The following GPR108 variants were observed in gnomAD, a reference collection of about 807,000 sequenced individuals.
GPR108 encodes G protein-coupled receptor 108.
GPR108 carries 60 observed loss-of-function variants against 74.3 expected under a neutral mutation model. That is an observed-to-expected ratio of 0.81 (90% CI 0.66 to 1.00). The LOEUF (loss-of-function observed/expected upper bound fraction) is 1.00, where lower values mean the gene tolerates loss of function less well. Among genes scored for constraint, GPR108 ranks in the 50% least tolerant of loss-of-function variants. GPR108 has a pLI of 0.00. For synonymous variants in GPR108, 311 were observed against 292.4 expected (o/e 1.06, Z -0.65); for missense variants, 667 against 703.3 (o/e 0.95, Z 0.58).
intron 9 of GPR108, 24 bp from the exon 10 acceptor site, chr19:6,733,086 TG>T: frequency 5.0e-6 from 8 of 1,610,830 alleles, no homozygotes; most frequent in Non-Finnish European, 6.8e-6. Context: ...CAGGGAGAGA[TG>T]GGGGTGCGGG....
chr19:6,732,429 CCCTG>C, intron 11 of GPR108, 43 bp downstream of exon 11: 3 of 1,610,898 alleles, frequency 1.9e-6, no homozygotes, highest in Non-Finnish European at 2.5e-6. Context: ...GCCAACCCTC[CCCTG>C]CCTGCCTCCC....
chr19:6,730,951 C>T (rs752346846), intron 17 of GPR108, 36 bp downstream of exon 17: 15 of 1,610,016 alleles, frequency 9.3e-6, no homozygotes, highest in Non-Finnish European at 9.3e-6. Context: ...ACTCCACCCC[C>T]AGAGCCGCCG....
rs748345071 is a variant in GPR108, at chr19:6,731,131, G to A, written c.1435-20C>T. 5 of 1,611,876 alleles carry A rather than the reference G, an allele frequency of 3.1e-6. No homozygotes were observed. The highest frequency in any genetic ancestry group is 1.7e-5 in the Admixed American group (1 of 59,952). ...CAAGAGCTGGGGGACGGGGCGGAGT[G>A]GGGGCGTCAGGCGCACCCCCACCCC... On this transcript the variant is annotated intron_variant, in intron 16 of 17. Transcript: ENST00000264080.
Position 6,732,467 on chromosome 19 carries a change from G to T in GPR108, c.1007+9C>A. ...CCCCCAGCTGCCCAGCAGAGTGGGG[G>T]ACACTCACAGGTGTGCGATGTAGTA... On this transcript the variant is annotated intron_variant, in intron 11 of 17. Transcript: ENST00000264080. 6.2e-7 allele frequency: 1 copy of T among 1,613,598 alleles called. No homozygotes were observed. The highest frequency in any genetic ancestry group is 8.5e-7 in the Non-Finnish European group (1 of 1,179,742).
At chr19:6,735,594 C>T (rs751638777) in intron 4 of GPR108, 28 bp downstream of exon 4, 32 of 1,597,924 alleles carry the variant, frequency 2.0e-5, no homozygotes, top group Non-Finnish European at 2.7e-5. Flanking sequence ...GACGAAGGAT[C>T]TGAGCGAGCC....
rs375580596 is a variant in GPR108 at position 6,731,181 on chromosome 19, C to A, written c.1434+18G>T. The A allele has an allele frequency of 6.2e-7, 1 of 1,602,934 alleles. No individual in the cohort carries two copies. The highest frequency in any genetic ancestry group is 8.5e-7 in the Non-Finnish European group (1 of 1,172,862). On this transcript the variant is annotated intron_variant, in intron 16 of 17. Transcript: ENST00000264080. ...CCACCGTGGCCGCCCTCCCGTCCCA[C>A]CTGGGCCTCGGGCTCACCTGGTACA...
rs766051707 is a variant in GPR108 at position 6,734,184 on chromosome 19, G to C, written c.498C>G (p.Gly166=). ...GTCTGCACAGCCAGCCTGACTCACC[G>C]CCATCCACCTTGCGGGGGACTGTGG... ...PQATVPRKVD[G]GGTSAASKPK... The change falls in exon 5 of 18, where the codon GGC becomes GGG. Residue 166 remains glycine, a splice_region_variant and synonymous_variant. Transcript: ENST00000264080. The C allele has an allele frequency of 6.2e-7, 1 of 1,614,060 alleles. No homozygotes were observed. Among genetic ancestry groups the C allele is most frequent in the East Asian group, 2.2e-5 (1 of 44,900 alleles).
intron 1 of GPR108, 98 bp from the exon 2 acceptor site, chr19:6,736,809 C>A (rs768916033): frequency 6.5e-6 from 10 of 1,542,042 alleles, no homozygotes; most frequent in Non-Finnish European, 8.9e-6. Context: ...CCTCCTGGTA[C>A]CCCTCTATTT....
In GPR108 at chr19:6,733,182, G is replaced by C; in HGVS notation, c.843C>G (p.Ile281Met). 1 of 1,614,094 alleles carries C rather than the reference G, an allele frequency of 6.2e-7. No individual in the cohort carries two copies. The highest frequency in any genetic ancestry group is 8.5e-7 in the Non-Finnish European group (1 of 1,180,020). Reference protein sequence around the residue: ...FLAAGIFWVSILCRNTYSVFK... With the variant: ...FLAAGIFWVSMLCRNTYSVFK... ...AGGGGCATTACGTGTTCCTGCAGAG[G>C]ATGGACACCCAGAAGATGCCAGCGG... The change falls in exon 9 of 18, where the codon ATC becomes ATG. Residue 281 changes from isoleucine to methionine, a missense_variant. By Grantham distance (10) the Ile-to-Met change is conservative (BLOSUM62 1). Coordinates refer to ENST00000264080, the MANE Select transcript of GPR108 (RefSeq NM_001080452.2).
intron 10 of GPR108, 115 bp downstream of exon 10, chr19:6,732,872 C>G (rs555443011): frequency 3.3e-6 from 3 of 896,918 alleles, no homozygotes; most frequent in East Asian, 2.6e-5. Context: ...TGGGTGGACA[C>G]GTGGATAGCT....
At chr19:6,736,405 C>T (rs948187535) in intron 2 of GPR108, among the ~76,000 whole-genome samples, 187 bp downstream of exon 2, 10 of 152,178 alleles carry the variant, frequency 6.6e-5, no homozygotes, top group African/African-American at 2.2e-4. Context: ...GCCTGTCCCC[C>T]AAGTCTTAAG....
Position 6,737,544 on chromosome 19 carries a change from G to A in GPR108, c.33C>T (p.Arg11=), listed in dbSNP as rs1968691924. ...GCTGCCCCCACTCCGCGGGGCTCCC[G>A]CGGCCGAGCCCCCTCCTCTCGCTCA... is the stretch of plus-strand genomic sequence containing the variant. MAVSERRGLG[R]GSPAEWGQRL... is the part of the protein sequence containing the mutation. Residue 11 remains arginine (R), a synonymous_variant, in exon 1 of 18, where the codon CGC becomes CGT. Coordinates refer to ENST00000264080, the MANE Select transcript of GPR108 (RefSeq NM_001080452.2). The A allele has an allele frequency of 1.9e-6, 3 of 1,546,138 alleles. No homozygotes were observed. The highest frequency in any genetic ancestry group is 1.4e-5 in the African/African-American group (1 of 71,180).
At chr19:6,733,473 G>C (rs933706275) in intron 8 of GPR108, 97 bp downstream of exon 8, 1 of 1,391,798 alleles carries the variant, frequency 7.2e-7, no homozygotes, top group South Asian at 1.2e-5. Flanking sequence ...CTTCGCACCC[G>C]GGAGGGCTGG....
At chr19:6,733,412 C>A in intron 8 of GPR108, 111 bp from the exon 9 acceptor site, 2 of 1,307,518 alleles carry the variant, frequency 1.5e-6, no homozygotes, top group Admixed American at 4.0e-5. Flanking sequence ...GCCACTCATC[C>A]ACTCTGAGCC....
At chr19:6,732,635 G>A (rs1347615880) in intron 10 of GPR108, 86 bp from the exon 11 acceptor site, 41 of 1,008,902 alleles carry the variant, frequency 4.1e-5, no homozygotes, top group South Asian at 3.8e-4. Context: ...AACACGGACC[G>A]TCACCATCAG....
chr19:6,733,573 G>A lies in GPR108; in HGVS notation c.720C>T (p.Ile240=). The A allele has an allele frequency of 6.2e-7, 1 of 1,613,720 alleles. No homozygotes were observed. Among genetic ancestry groups the A allele is most frequent in the Non-Finnish European group, 8.5e-7 (1 of 1,179,586 alleles). Reference sequence around the variant, plus strand: ...TGCTGCCCTCCACTCCGCTCACCGTGATGTCGAATGGATGCTCCTTTCCTG... The same window carrying A: ...TGCTGCCCTCCACTCCGCTCACCGTAATGTCGAATGGATGCTCCTTTCCTG... The part of the protein sequence containing the change: ...SVPGKEHPFD[I]TVMIREKNPD... The change falls in exon 8 of 18, where the codon ATC becomes ATT. Residue 240 remains isoleucine (I), a synonymous_variant. Transcript: ENST00000264080.
intron 2 of GPR108, 96 bp downstream of exon 2, chr19:6,736,496 C>T (rs567642344): frequency 1.0e-4 from 128 of 1,265,846 alleles, no homozygotes; most frequent in Non-Finnish European, 1.0e-5. Flanking sequence ...GATGACGGGA[C>T]TTGTACAAGA....
At chr19:6,731,740 C>CG in intron 14 of GPR108, 151 bp downstream of exon 14, 3 of 955,318 alleles carry the variant, frequency 3.1e-6, no homozygotes, top group Non-Finnish European at 4.7e-6. Flanking sequence ...TAAAGGCATT[C>CG]GGGGGAAAGA....
rs77003966 is a variant in GPR108 at position 6,733,221 on chromosome 19, G to A, written c.804C>T (p.Ser268=). The A allele has an allele frequency of 1.5e-4, 242 of 1,614,022 alleles. No homozygotes were observed. The African/African-American group carries it at 2.7e-3, about 18-fold the overall frequency. ...AGATGCCAGCGGCCAGGAAGCAGGCGGACATGACCATGTAGAGCTTGAAAA... is the reference window on the plus strand; with the variant it reads ...AGATGCCAGCGGCCAGGAAGCAGGCAGACATGACCATGTAGAGCTTGAAAA... ...MPLFKLYMVM[S]ACFLAAGIFW... The change falls in exon 9 of 18, where the codon TCC becomes TCT. Residue 268 remains serine (S), a synonymous_variant. Coordinates refer to ENST00000264080, the MANE Select transcript of GPR108 (RefSeq NM_001080452.2).
Sources: allele counts gnomAD v4.1 joint callset (sites outside exome capture counted in the v4.1 genomes callset), GRCh38; gene constraint gnomAD v4.1.1; transcripts MANE v1.5; gene names NCBI Gene and HGNC (gene_info 2026-07-23, HGNC 2026-07-21).